The following SNTG1 variants were observed in gnomAD, a reference collection of about 807,000 sequenced individuals.
SNTG1 encodes the protein gamma-1-syntrophin.
In SNTG1, 39 loss-of-function variants were observed where a neutral mutation model predicts 74.7. The ratio of observed to expected loss-of-function variants is 0.52; its 90% confidence interval spans 0.40 to 0.68. The LOEUF (loss-of-function observed/expected upper bound fraction) is 0.68, where lower values mean the gene tolerates loss of function less well. Among genes scored for constraint, SNTG1 ranks in the 30% least tolerant of loss-of-function variants. The probability of loss-of-function intolerance (pLI) is 0.00; values close to 1 mark genes in which losing one functional copy is unlikely to be tolerated. For synonymous variants in SNTG1, 254 were observed against 217.1 expected (o/e 1.17, Z -1.49); for missense variants, 685 against 609.5 (o/e 1.12, Z -1.30).
intron 2 of SNTG1, among the ~76,000 whole-genome samples, chr8:50,378,409 G>A (rs991242787): frequency 2.0e-5 from 3 of 152,220 alleles, no homozygotes; most frequent in South Asian, 2.1e-4. Context: ...CCTTCTCTTC[G>A]CCTGCAACAT....
At chr8:50,669,198 T>C (rs1285701157) in intron 15 of SNTG1, among the ~76,000 whole-genome samples, 7 of 148,586 alleles carry the variant, frequency 4.7e-5, no homozygotes, top group Non-Finnish European at 3.0e-5. Context: ...AGAGCAGAAC[T>C]GAAGGAAATA....
intron 2 of SNTG1, among the ~76,000 whole-genome samples, chr8:50,243,966 T>G (rs2129727006): frequency 6.6e-6 from 1 of 152,248 alleles, no homozygotes; most frequent in Non-Finnish European, 1.5e-5. Flanking sequence ...ATTCTTGCAT[T>G]GCTGTAAAGA....
At chr8:50,295,385 T>C (rs2089314471) in intron 2 of SNTG1, among the ~76,000 whole-genome samples, 1 of 152,176 alleles carries the variant, frequency 6.6e-6, no homozygotes, top group South Asian at 2.1e-4. Flanking sequence ...TCCATATATG[T>C]CTTTAATCAT....
At chr8:50,673,244 T>G (rs752514085) in intron 15 of SNTG1, among the ~76,000 whole-genome samples, 12 of 152,190 alleles carry the variant, frequency 7.9e-5, no homozygotes. Context: ...GGGAATAGCA[T>G]TGAATCTATA....
At chr8:50,773,819 A>G (rs956807177) in intron 18 of SNTG1, among the ~76,000 whole-genome samples, 1 of 152,178 alleles carries the variant, frequency 6.6e-6, no homozygotes, top group Non-Finnish European at 1.5e-5. Flanking sequence ...TCAATTGTGT[A>G]TTACAAATAT....
chr8:50,738,760 C>T (rs911321799), intron 17 of SNTG1, among the ~76,000 whole-genome samples: 13 of 150,700 alleles, frequency 8.6e-5, no homozygotes, highest in African/African-American at 3.2e-4. Context: ...CACCACACAT[C>T]TATGACCATC....
intron 1 of SNTG1, among the ~76,000 whole-genome samples, chr8:50,036,941 G>T (rs1016827984): frequency 6.6e-6 from 1 of 152,184 alleles, no homozygotes; most frequent in Admixed American, 6.5e-5. Flanking sequence ...AAAAGTTAAG[G>T]TTATATAATC....
At chr8:50,168,939 C>A (rs1222540992) in intron 1 of SNTG1, among the ~76,000 whole-genome samples, 3 of 152,150 alleles carry the variant, frequency 2.0e-5, no homozygotes, top group African/African-American at 7.2e-5. Flanking sequence ...TTCGGTTACA[C>A]GTGCACTCGT....
chr8:50,355,547 CCTTTTCAGG>C (rs1340329465), intron 2 of SNTG1, among the ~76,000 whole-genome samples: 9 of 152,164 alleles, frequency 5.9e-5, no homozygotes, highest in African/African-American at 2.2e-4. Context: ...AATTGATGAA[CCTTTTCAGG>C]TTCAAAAAAT....
At chr8:50,147,290 T>C (rs2081906357) in intron 1 of SNTG1, among the ~76,000 whole-genome samples, 1 of 152,124 alleles carries the variant, frequency 6.6e-6, no homozygotes, top group Admixed American at 6.6e-5. Context: ...TCAAACTATA[T>C]TATAAATGTA....
At chr8:50,310,311 C>T (rs939927922) in intron 2 of SNTG1, among the ~76,000 whole-genome samples, 1 of 152,224 alleles carries the variant, frequency 6.6e-6, no homozygotes, top group Non-Finnish European at 1.5e-5. Flanking sequence ...ATTTTAATTG[C>T]TAACAAAAAT....
intron 2 of SNTG1, among the ~76,000 whole-genome samples, chr8:50,393,873 A>G (rs1242512099): frequency 6.6e-6 from 1 of 152,180 alleles, no homozygotes; most frequent in East Asian, 1.9e-4. Flanking sequence ...TTGCAAACTC[A>G]GGTTTCACAA....
chr8:50,763,511 CCT>C (rs1457141426), intron 18 of SNTG1, among the ~76,000 whole-genome samples: 1 of 151,360 alleles, frequency 6.6e-6, no homozygotes, highest in East Asian at 2.0e-4. Context: ...TCTCTTCTGG[CCT>C]CTCTTTTATT....
At chr8:50,682,559 A>G (rs1319156153) in intron 15 of SNTG1, among the ~76,000 whole-genome samples, 1 of 152,202 alleles carries the variant, frequency 6.6e-6, no homozygotes, top group East Asian at 1.9e-4. Flanking sequence ...GAACATACTG[A>G]CACACTGATT....
intron 2 of SNTG1, among the ~76,000 whole-genome samples, chr8:50,318,137 C>T (rs189859269): frequency 2.6e-5 from 4 of 152,226 alleles, no homozygotes; most frequent in African/African-American, 9.6e-5. Context: ...AGCCCAGCCA[C>T]TTATTGTCTG....
intron 1 of SNTG1, among the ~76,000 whole-genome samples, chr8:50,038,924 T>C (rs775085740): frequency 3.9e-5 from 6 of 152,184 alleles, no homozygotes; most frequent in African/African-American, 7.2e-5. Context: ...CATCAGCTGA[T>C]CATGCCCCAT....
At chr8:50,600,970 C>A (rs1218143443) in intron 13 of SNTG1, among the ~76,000 whole-genome samples, 1 of 151,334 alleles carries the variant, frequency 6.6e-6, no homozygotes, top group East Asian at 2.0e-4. Context: ...GAGATTGAGA[C>A]CATCCTGGCC....
At chr8:50,290,545 G>A (rs1359557154) in intron 2 of SNTG1, among the ~76,000 whole-genome samples, 8 of 152,122 alleles carry the variant, frequency 5.3e-5, no homozygotes, top group Admixed American at 5.2e-4. Context: ...TTAGTTTGCA[G>A]TTTCCGAAGA....
intron 10 of SNTG1, among the ~76,000 whole-genome samples, chr8:50,534,706 A>C (rs937704737): frequency 3.9e-5 from 6 of 152,106 alleles, no homozygotes; most frequent in Admixed American, 2.6e-4. Context: ...ACTTGACCCC[A>C]GGGGCGGAGG....
Sources: gnomAD v4.1 joint callset for allele counts (sites outside exome capture counted in the v4.1 genomes callset) on GRCh38, gnomAD v4.1.1 for gene constraint, MANE v1.5 for transcripts, NCBI Gene and HGNC (gene_info 2026-07-23, HGNC 2026-07-21) for gene names.